CADM2: variants seen among roughly 807,000 people sequenced by gnomAD.
CADM2 encodes the protein immunoglobulin superfamily member 4D.
A neutral mutation model predicts 49.8 loss-of-function variants in CADM2; 12 were observed. The ratio of observed to expected loss-of-function variants is 0.24; its 90% CI spans 0.15 to 0.39. CADM2 has a LOEUF of 0.39. Ranked by LOEUF, CADM2 falls within the 10% of genes least tolerant of loss-of-function variation. The probability of loss-of-function intolerance (pLI) is 1.00; values close to 1 mark genes in which losing one functional copy is unlikely to be tolerated. For missense variants in CADM2, 378 were observed against 492.3 expected, an observed-to-expected ratio of 0.77 and a Z score of 2.20; for synonymous variants, 214 against 175.4, an observed-to-expected ratio of 1.22 and a Z score of -1.74.
At chr3:85,413,616 G>A (rs570435180) in intron 1 of CADM2, among the ~76,000 whole-genome samples, 7 of 152,296 alleles carry the variant, frequency 4.6e-5, no homozygotes, top group Admixed American at 2.6e-4. Context: ...GAACGAGAAA[G>A]AGAGGGCGGC....
chr3:85,642,075 G>GA (rs1322107521), intron 1 of CADM2, among the ~76,000 whole-genome samples: 1 of 151,944 alleles, frequency 6.6e-6, no homozygotes, highest in African/African-American at 2.4e-5. Context: ...AAAAGAAAAA[G>GA]AAAAAAATCA....
At chr3:85,457,426 A>T (rs2038044697) in intron 1 of CADM2, among the ~76,000 whole-genome samples, 1 of 152,090 alleles carries the variant, frequency 6.6e-6, no homozygotes, top group Admixed American at 6.6e-5. Flanking sequence ...GAAAAAAAAA[A>T]AATTAAAAAG....
intron 5 of CADM2, among the ~76,000 whole-genome samples, chr3:85,895,003 C>A (rs572647340): frequency 6.6e-6 from 1 of 152,200 alleles, no homozygotes; most frequent in Admixed American, 6.5e-5. Context: ...GGGGTCATAA[C>A]CCCCACAGAG....
Position 85,495,607 on chromosome 3 carries a change from A to G in CADM2, c.62-230915A>G, listed in dbSNP as rs565510188. On this transcript the variant is annotated intron_variant, in intron 1 of 9. Transcript: ENST00000383699. ...GATTTATCCTAACCAAAGACCAAAT[A>G]CATGATTATAGGCCAAGAATGGTTC... Among the ~76,000 whole-genome samples, 8 of 152,210 alleles carry G rather than the reference A, an allele frequency of 5.3e-5. No homozygotes were observed. The South Asian group carries it at 1.7e-3, about 32-fold the overall frequency.
chr3:85,398,494 G>T (rs1200873078), intron 1 of CADM2, among the ~76,000 whole-genome samples: 1 of 152,134 alleles, frequency 6.6e-6, no homozygotes, highest in African/African-American at 2.4e-5. Context: ...ATAGCAGCAT[G>T]ATTTATAATC....
At chr3:85,498,657 AGTGT>A (rs1193790031) in intron 1 of CADM2, among the ~76,000 whole-genome samples, 2 of 152,196 alleles carry the variant, frequency 1.3e-5, no homozygotes, top group African/African-American at 4.8e-5. Flanking sequence ...GCATATAATT[AGTGT>A]AAGAAATATG....
intron 8 of CADM2, among the ~76,000 whole-genome samples, chr3:86,034,649 C>T (rs971308478): frequency 2.0e-5 from 3 of 152,042 alleles, no homozygotes; most frequent in African/African-American, 7.2e-5. Context: ...GAGAGGTAAA[C>T]TCTTAACTTT....
At chr3:85,534,139 T>A (rs899122347) in intron 1 of CADM2, among the ~76,000 whole-genome samples, 5 of 152,148 alleles carry the variant, frequency 3.3e-5, no homozygotes, top group African/African-American at 1.2e-4. Flanking sequence ...AATTTTTTTT[T>A]AAGTTTAAAC....
intron 2 of CADM2, among the ~76,000 whole-genome samples, chr3:85,778,693 T>A (rs2070479739): frequency 6.6e-6 from 1 of 152,180 alleles, no homozygotes; most frequent in Non-Finnish European, 1.5e-5. Flanking sequence ...CATAGAAATG[T>A]GAGAATGGAA....
intron 3 of CADM2, among the ~76,000 whole-genome samples, chr3:85,825,155 G>A (rs2073834187): frequency 6.6e-6 from 1 of 152,024 alleles, no homozygotes; most frequent in African/African-American, 2.4e-5. Flanking sequence ...TCTGAGAACA[G>A]CATAAAACTG....
chr3:85,177,534 A>G (rs2040817648), intron 1 of CADM2, among the ~76,000 whole-genome samples: 1 of 152,040 alleles, frequency 6.6e-6, no homozygotes, highest in African/African-American at 2.4e-5. Context: ...AAAAATAGAC[A>G]TATAGAAAGT....
chr3:85,799,871 C>T (rs2071886774), intron 2 of CADM2: 2 of 152,520 alleles, frequency 1.3e-5, no homozygotes, highest in Admixed American at 6.5e-5. Context: ...ATCAGGGACC[C>T]ACTTGAGGAG....
chr3:85,150,390 T>C (rs1452904677), intron 1 of CADM2, among the ~76,000 whole-genome samples: 4 of 152,202 alleles, frequency 2.6e-5, no homozygotes, highest in African/African-American at 9.6e-5. Flanking sequence ...AACTGTACTT[T>C]TAAAATACAT....
chr3:85,493,376 G>A (rs991979260), intron 1 of CADM2, among the ~76,000 whole-genome samples: 28 of 151,988 alleles, frequency 1.8e-4, no homozygotes, highest in African/African-American at 6.5e-4. Flanking sequence ...AAAGTGTCCC[G>A]CTAAGATAAT....
intron 2 of CADM2, among the ~76,000 whole-genome samples, chr3:85,771,014 T>C (rs533599040): frequency 3.7e-4 from 57 of 152,326 alleles, no homozygotes; most frequent in African/African-American, 1.3e-3. Context: ...ATAGGTGTAA[T>C]TTAAACTGTG....
chr3:85,354,513 A>AATC (rs1279141512), intron 1 of CADM2, among the ~76,000 whole-genome samples: 4 of 151,842 alleles, frequency 2.6e-5, no homozygotes, highest in African/African-American at 9.7e-5. Context: ...TAATAATAAT[A>AATC]ATAAAGTGAC....
intron 1 of CADM2, among the ~76,000 whole-genome samples, chr3:85,319,553 T>C (rs1427567018): frequency 6.6e-6 from 1 of 152,162 alleles, no homozygotes; most frequent in Non-Finnish European, 1.5e-5. Context: ...TAAATGCCCA[T>C]CAATGGCAGA....
intron 1 of CADM2, among the ~76,000 whole-genome samples, chr3:85,036,516 A>T (rs2035217496): frequency 6.6e-6 from 1 of 151,848 alleles, no homozygotes; most frequent in Non-Finnish European, 1.5e-5. Context: ...TTTTCTACCC[A>T]CTCAGGAGAC....
At chr3:85,638,296 A>C (rs1159234512) in intron 1 of CADM2, among the ~76,000 whole-genome samples, 3 of 152,314 alleles carry the variant, frequency 2.0e-5, no homozygotes, top group African/African-American at 4.8e-5. Flanking sequence ...TGAATAAATA[A>C]AGTTGTTTAA....
Sources: allele counts gnomAD v4.1 joint callset (sites outside exome capture counted in the v4.1 genomes callset), GRCh38; gene constraint gnomAD v4.1.1; transcripts MANE v1.5; gene names NCBI Gene and HGNC (gene_info 2026-07-23, HGNC 2026-07-21).